The following GPC5 variants were observed in gnomAD, a reference collection of about 807,000 sequenced individuals.
GPC5 encodes the protein glypican-5.
Under a neutral mutation model 53.9 loss-of-function variants are expected in GPC5, and 47 were observed. That is an observed-to-expected ratio of 0.87 (90% CI 0.69 to 1.11). GPC5 has a LOEUF of 1.11. GPC5 is among the 50% of genes most tolerant of loss of function. The probability of loss-of-function intolerance (pLI) is 0.00; values close to 1 mark genes in which losing one functional copy is unlikely to be tolerated. For synonymous variants in GPC5, 286 were observed against 263.3 expected (o/e 1.09, Z -0.84); for missense variants, 748 against 713.1 (o/e 1.05, Z -0.56).
intron 7 of GPC5, among the ~76,000 whole-genome samples, chr13:92,818,009 AT>A (rs201769060): frequency 0.16 from 21,744 of 135,380 alleles, 1,964 homozygotes; most frequent in African/African-American, 0.28. Context: ...CCTAAATTGC[AT>A]TTTTTTTTTT....
intron 7 of GPC5, among the ~76,000 whole-genome samples, chr13:92,647,980 G>A (rs1487643964): frequency 6.6e-6 from 1 of 151,988 alleles, no homozygotes; most frequent in Non-Finnish European, 1.5e-5. Context: ...GCAACCAAAT[G>A]TGTTCATCTT....
At chr13:91,970,031 G>A (rs1209271952) in intron 6 of GPC5, among the ~76,000 whole-genome samples, 2 of 152,044 alleles carry the variant, frequency 1.3e-5, no homozygotes, top group African/African-American at 4.8e-5. Context: ...GTTCATCAAG[G>A]AATAAATGGT....
At chr13:92,566,842 TA>T (rs1882879070) in intron 7 of GPC5, among the ~76,000 whole-genome samples, 2 of 152,138 alleles carry the variant, frequency 1.3e-5, no homozygotes, top group Non-Finnish European at 2.9e-5. Flanking sequence ...TAAATAATAA[TA>T]TTAAAGAGAT....
At chr13:92,653,517 T>G (rs1886027316) in intron 7 of GPC5, among the ~76,000 whole-genome samples, 1 of 152,138 alleles carries the variant, frequency 6.6e-6, no homozygotes, top group South Asian at 2.1e-4. Flanking sequence ...CATGCATCAC[T>G]TAAGATTCTT....
At chr13:91,834,335 G>A (rs1381252255) in intron 5 of GPC5, among the ~76,000 whole-genome samples, 2 of 152,100 alleles carry the variant, frequency 1.3e-5, no homozygotes, top group Admixed American at 1.3e-4. Context: ...GTAATTTATA[G>A]ATTCAATGCT....
At chr13:91,865,842 T>A (rs1271829167) in intron 5 of GPC5, among the ~76,000 whole-genome samples, 1 of 152,084 alleles carries the variant, frequency 6.6e-6, no homozygotes, top group Non-Finnish European at 1.5e-5. Context: ...AGATGTCACA[T>A]CAATTTGACT....
At chr13:91,914,692 T>G (rs2039642396) in intron 6 of GPC5, among the ~76,000 whole-genome samples, 1 of 151,600 alleles carries the variant, frequency 6.6e-6, no homozygotes, top group Admixed American at 6.6e-5. Flanking sequence ...AAATATAACT[T>G]TAGAACTGTG....
chr13:91,861,751 T>C (rs1566309503), intron 5 of GPC5, among the ~76,000 whole-genome samples: 1 of 94,672 alleles, frequency 1.1e-5, no homozygotes, highest in Non-Finnish European at 2.6e-5. Context: ...ACAATCTGTT[T>C]CTTGTTTCTC....
chr13:91,844,275 G>C (rs897515053), intron 5 of GPC5, among the ~76,000 whole-genome samples: 5 of 152,204 alleles, frequency 3.3e-5, no homozygotes, highest in South Asian at 2.1e-4. Context: ...ATTGAAAAGA[G>C]GTTGATGGAT....
chr13:92,759,817 T>C (rs1875085086), intron 7 of GPC5, among the ~76,000 whole-genome samples: 2 of 152,100 alleles, frequency 1.3e-5, no homozygotes, highest in African/African-American at 4.8e-5. Context: ...AAGTTTTCAG[T>C]ATCTCCTTAT....
At chr13:92,803,433 T>G (rs1876979626) in intron 7 of GPC5, among the ~76,000 whole-genome samples, 1 of 151,892 alleles carries the variant, frequency 6.6e-6, no homozygotes, top group Non-Finnish European at 1.5e-5. Context: ...TTGTAAATTT[T>G]CCATGTTGGA....
At chr13:92,072,114 G>T (rs923245949) in intron 6 of GPC5, among the ~76,000 whole-genome samples, 2 of 144,770 alleles carry the variant, frequency 1.4e-5, no homozygotes, top group African/African-American at 5.0e-5. Flanking sequence ...TTTATTGAAT[G>T]AATGATTAAT....
At chr13:91,752,728 G>T (rs539440770) in intron 4 of GPC5, among the ~76,000 whole-genome samples, 1 of 152,230 alleles carries the variant, frequency 6.6e-6, no homozygotes, top group Non-Finnish European at 1.5e-5. Flanking sequence ...CTACCTGTAT[G>T]GGTGGTGGGT....
At chr13:92,398,958 G>A (rs1386082025) in intron 7 of GPC5, among the ~76,000 whole-genome samples, 1 of 151,958 alleles carries the variant, frequency 6.6e-6, no homozygotes, top group Non-Finnish European at 1.5e-5. Context: ...TACACTCCCA[G>A]TAGCCTCTCA....
intron 7 of GPC5, among the ~76,000 whole-genome samples, chr13:92,782,388 C>T (rs747563277): frequency 6.6e-6 from 1 of 152,078 alleles, no homozygotes; most frequent in South Asian, 2.1e-4. Flanking sequence ...GTCACTGCAG[C>T]CCGTGCTAAG....
intron 7 of GPC5, among the ~76,000 whole-genome samples, chr13:92,252,917 T>A (rs1193441740): frequency 1.3e-5 from 2 of 152,086 alleles, no homozygotes; most frequent in African/African-American, 2.4e-5. Flanking sequence ...TTCCTTTAGC[T>A]TAAGAGTCTA....
At chr13:92,145,760 T>C (rs1295457552) in intron 7 of GPC5, among the ~76,000 whole-genome samples, 1 of 152,166 alleles carries the variant, frequency 6.6e-6, no homozygotes. Flanking sequence ...CAACTATTCA[T>C]GTAATCTTGA....
At chr13:92,348,421 A>G (rs1435092620) in intron 7 of GPC5, among the ~76,000 whole-genome samples, 1 of 152,144 alleles carries the variant, frequency 6.6e-6, no homozygotes, top group Non-Finnish European at 1.5e-5. Context: ...TGGAGCACCT[A>G]AAAATATAAA....
intron 6 of GPC5, among the ~76,000 whole-genome samples, chr13:92,094,245 G>A (rs111529957): frequency 1.5e-4 from 23 of 152,126 alleles, no homozygotes; most frequent in Middle Eastern, 3.4e-3. Flanking sequence ...GGCCGGGCAC[G>A]GTGGCTCACG....
Sources: gnomAD v4.1 joint callset for allele counts (sites outside exome capture counted in the v4.1 genomes callset) on GRCh38, gnomAD v4.1.1 for gene constraint, MANE v1.5 for transcripts, NCBI Gene and HGNC (gene_info 2026-07-23, HGNC 2026-07-21) for gene names.